FGF12: variants seen among roughly 807,000 people sequenced by gnomAD.
FGF12 encodes the protein fibroblast growth factor 12.
Under a neutral mutation model 23.6 loss-of-function variants are expected in FGF12, and 14 were observed. That is an observed-to-expected ratio of 0.59 (90% CI 0.39 to 0.93). The LOEUF (loss-of-function observed/expected upper bound fraction) is 0.93, where lower values mean the gene tolerates loss of function less well. Among genes scored for constraint, FGF12 ranks in the 40% least tolerant of loss-of-function variants. The pLI, the probability that FGF12 is intolerant of heterozygous loss-of-function variation, is 0.00. For synonymous variants in FGF12, 62 were observed against 77.3 expected, an observed-to-expected ratio of 0.80 and a Z score of 1.04; for missense variants, 175 against 217.8, an observed-to-expected ratio of 0.80 and a Z score of 1.24.
intron 2 of FGF12, among the ~76,000 whole-genome samples, chr3:192,406,531 T>C (rs1720964300): frequency 6.6e-6 from 1 of 152,158 alleles, no homozygotes; most frequent in Non-Finnish European, 1.5e-5. Context: ...AGTTACTTTG[T>C]AGAGGTAATT....
At position 192,229,688 on chromosome 3, in the gene FGF12, A is replaced by G. The variant is rs1464381596; in HGVS notation, c.229-59032T>C. Among the ~76,000 whole-genome samples, 3 of 152,246 alleles carry G rather than the reference A, an allele frequency of 2.0e-5. No homozygotes were observed. In the East Asian group the frequency reaches 5.8e-4, roughly 29 times the overall value. Reference sequence around the variant, plus strand: ...AAATGTATATTTCTATGAGCAATTTATAAATGGCTATTGTAAGTAATTTGA... The same window carrying G: ...AAATGTATATTTCTATGAGCAATTTGTAAATGGCTATTGTAAGTAATTTGA... On this transcript the variant is annotated intron_variant, in intron 4 of 5. Transcript: ENST00000445105.
chr3:192,210,925 C>G (rs535210136), intron 4 of FGF12, among the ~76,000 whole-genome samples: 2 of 152,254 alleles, frequency 1.3e-5, no homozygotes, highest in African/African-American at 4.8e-5. Context: ...AGAAGAACAA[C>G]AGGAGAGAAG....
intron 2 of FGF12, among the ~76,000 whole-genome samples, chr3:192,605,963 T>A (rs547134489): frequency 6.6e-6 from 1 of 152,294 alleles, no homozygotes; most frequent in East Asian, 1.9e-4. Context: ...AGTTTGGAGA[T>A]TTCTCAAAGA....
rs1156891807 is a variant in FGF12, at chr3:192,360,490, T to C, written c.62A>G (p.Tyr21Cys). 6.2e-7 allele frequency: 1 copy of C among 1,613,978 alleles called. No individual in the cohort carries two copies. The highest frequency in any genetic ancestry group is 1.1e-5 in the South Asian group (1 of 91,074). Reference protein sequence around the residue: ...IVTRLFSQQGYFLQMHPDGTI... With the variant: ...IVTRLFSQQGCFLQMHPDGTI... ...ACCATCTGGGTGCATCTGCAGGAAGTATCCCTGCTGGCTGAATAACCTTGT... is the reference window on the plus strand; with the variant it reads ...ACCATCTGGGTGCATCTGCAGGAAGCATCCCTGCTGGCTGAATAACCTTGT... The change falls in exon 3 of 6, where the codon TAC becomes TGC. Residue 21 changes from tyrosine (Y) to cysteine (C), a missense_variant. By Grantham distance (194) the Tyr-to-Cys change is radical (BLOSUM62 -2). Transcript: ENST00000445105. The surrounding 1 kb of genome is among the most constrained non-coding windows in gnomAD (Gnocchi z 4.3).
chr3:192,513,581 A>G (rs1724559955), intron 2 of FGF12, among the ~76,000 whole-genome samples: 3 of 152,224 alleles, frequency 2.0e-5, no homozygotes, highest in Admixed American at 1.3e-4. Context: ...ATAGCTCAAG[A>G]ACAGAGTGAA....
intron 3 of FGF12, among the ~76,000 whole-genome samples, chr3:192,357,236 C>T (rs890341135): frequency 6.6e-6 from 1 of 152,146 alleles, no homozygotes; most frequent in African/African-American, 2.4e-5. Context: ...GTAATCCCAG[C>T]ACTTTGGGAG....
At chr3:192,522,841 G>A (rs1197925073) in intron 2 of FGF12, among the ~76,000 whole-genome samples, 2 of 152,112 alleles carry the variant, frequency 1.3e-5, no homozygotes, top group African/African-American at 4.8e-5. Context: ...GCCACAATTT[G>A]TGTAATCTAG....
intron 2 of FGF12, among the ~76,000 whole-genome samples, chr3:192,709,092 T>C (rs917114951): frequency 2.6e-5 from 4 of 152,230 alleles, no homozygotes; most frequent in African/African-American, 9.6e-5. Context: ...ATACATCTGT[T>C]GTGTACTTTC....
intron 2 of FGF12, among the ~76,000 whole-genome samples, chr3:192,562,737 CT>C (rs34822834): frequency 0.17 from 24,665 of 141,666 alleles, 2,323 homozygotes; most frequent in Middle Eastern, 0.3. Context: ...ACCTCTGAGA[CT>C]TTTTTTTTTT....
intron 4 of FGF12, among the ~76,000 whole-genome samples, chr3:192,316,863 G>A (rs1375368040): frequency 1.3e-5 from 2 of 152,118 alleles, no homozygotes; most frequent in African/African-American, 4.8e-5. Flanking sequence ...GAAAGAACAG[G>A]GGAGAGTAAA....
chr3:192,393,591 G>C (rs1435636418), intron 2 of FGF12, among the ~76,000 whole-genome samples: 1 of 151,982 alleles, frequency 6.6e-6, no homozygotes, highest in Non-Finnish European at 1.5e-5. Context: ...TGTGTATACT[G>C]TAATCATACT....
intron 2 of FGF12, among the ~76,000 whole-genome samples, chr3:192,546,685 C>G (rs1375303831): frequency 1.4e-5 from 2 of 144,314 alleles, no homozygotes; most frequent in Non-Finnish European, 3.0e-5. Context: ...ATAGTCTCTA[C>G]TCAATAGACT....
intron 2 of FGF12, among the ~76,000 whole-genome samples, chr3:192,410,622 A>T (rs1721170014): frequency 6.6e-6 from 1 of 152,204 alleles, no homozygotes; most frequent in African/African-American, 2.4e-5. Flanking sequence ...CCTATGGCTC[A>T]TTTTGGAACA....
chr3:192,360,868 C>CATTCCAGA lies in FGF12; in HGVS notation c.14-338_14-331dup, dbSNP rs1718691858. ...CAAGATTTCACCAACTTTATAGTCC[C>CATTCCAGA]ATTCCAGAATTATTGTTTAGGCCAA... On this transcript the variant is annotated intron_variant, in intron 2 of 5. Coordinates refer to ENST00000445105, the MANE Select transcript of FGF12 (RefSeq NM_004113.6). This position sits in a 1 kb window ranked among gnomAD's most constrained non-coding sequence, Gnocchi z 4.3. Among the ~76,000 whole-genome samples, 2 of 152,148 alleles carry CATTCCAGA rather than the reference C, an allele frequency of 1.3e-5. No homozygotes were observed. The highest frequency in any genetic ancestry group is 4.2e-4 in the South Asian group (2 of 4,818).
chr3:192,371,756 T>A (rs1312002244), intron 2 of FGF12, among the ~76,000 whole-genome samples: 1 of 151,848 alleles, frequency 6.6e-6, no homozygotes, highest in Non-Finnish European at 1.5e-5. Context: ...TTTTTACATC[T>A]ATATTAGGGA....
rs1285054873 is a variant in FGF12 at position 192,508,751 on chromosome 3, GA to G, written c.14-148214del. Among the ~76,000 whole-genome samples, 4 of 152,232 alleles carry G rather than the reference GA, an allele frequency of 2.6e-5. No homozygotes were observed. The East Asian group carries it at 7.7e-4, about 29-fold the overall frequency. On this transcript the variant is annotated intron_variant, in intron 2 of 5. Transcript: ENST00000445105. ...ACATTTTTTTCCAGTAAAATATACA[GA>G]GATACTACTCATTTCCATTAAAGCT...
At chr3:192,200,055 T>A (rs7636508) in intron 4 of FGF12, among the ~76,000 whole-genome samples, 1 of 151,412 alleles carries the variant, frequency 6.6e-6, no homozygotes, top group Non-Finnish European at 1.5e-5. Context: ...AGTGGCTCAC[T>A]CCTGTAATCC....
chr3:192,269,638 T>G (rs565379701), intron 4 of FGF12, among the ~76,000 whole-genome samples: 18 of 152,354 alleles, frequency 1.2e-4, no homozygotes, highest in Admixed American at 1.1e-3. Flanking sequence ...ACTAGTTATT[T>G]AGTTCCTCTA....
intron 2 of FGF12, among the ~76,000 whole-genome samples, chr3:192,600,634 A>C (rs1274302710): frequency 6.6e-6 from 1 of 152,178 alleles, no homozygotes; most frequent in African/African-American, 2.4e-5. Flanking sequence ...AAATGGGCAA[A>C]TGAACTGAAA....
Sources: allele counts gnomAD v4.1 joint callset (sites outside exome capture counted in the v4.1 genomes callset), GRCh38; gene constraint gnomAD v4.1.1; non-coding constraint Gnocchi (gnomAD v3.1); transcripts MANE v1.5; gene names NCBI Gene and HGNC (gene_info 2026-07-23, HGNC 2026-07-21).